Variants in TMEM214 observed in about 807,000 individuals in gnomAD.
TMEM214 encodes transmembrane protein 214.
TMEM214 carries 71 observed loss-of-function variants against 89.8 expected under a neutral mutation model. That is an observed-to-expected ratio of 0.79 (90% CI 0.65 to 0.96). The LOEUF is 0.96. Ranked by LOEUF, TMEM214 falls within the 40% of genes least tolerant of loss-of-function variation. The pLI is 0.00. For synonymous variants in TMEM214, 332 were observed against 349.5 expected, an observed-to-expected ratio of 0.95 and a Z score of 0.56; for missense variants, 754 against 843.4, an observed-to-expected ratio of 0.89 and a Z score of 1.31.
At chr2:27,040,528 C>T (rs1667792459) in intron 16 of TMEM214, 32 bp downstream of exon 16, 3 of 1,606,326 alleles carry the variant, frequency 1.9e-6, no homozygotes, top group East Asian at 2.2e-5. Context: ...CCGGCAGGAT[C>T]CCCAGCAGCC....
intron 13 of TMEM214, 36 bp downstream of exon 13, chr2:27,039,200 G>T (rs780016469): frequency 6.3e-7 from 1 of 1,585,718 alleles, no homozygotes; most frequent in South Asian, 1.1e-5. Flanking sequence ...GGATGGTGTG[G>T]GCGGGGCACA....
chr2:27,040,543 T>A, intron 16 of TMEM214, 47 bp downstream of exon 16: 2 of 1,602,792 alleles, frequency 1.2e-6, no homozygotes, highest in Non-Finnish European at 1.7e-6. Flanking sequence ...GCAGCCCCAT[T>A]CCCGGGCCCC....
Position 27,038,304 on chromosome 2 carries a change from C to A in TMEM214, c.1244+67C>A. 1.3e-6 allele frequency: 2 copies of A among 1,578,066 alleles called. No individual in the cohort carries two copies. The highest frequency in any genetic ancestry group is 2.2e-5 in the South Asian group (2 of 90,092). Reference sequence around the variant, plus strand: ...AGAAGGGGAGCCTGGGTCACTGTCCCATGGCCTGACACCTTTCAGGCTGAG... The same window carrying A: ...AGAAGGGGAGCCTGGGTCACTGTCCAATGGCCTGACACCTTTCAGGCTGAG... On this transcript the variant is annotated intron_variant, in intron 10 of 16. Transcript: ENST00000238788. The surrounding 1 kb of genome is among the most constrained non-coding windows in gnomAD (Gnocchi z 4.4).
rs561755227 is a variant in TMEM214 at position 27,038,064 on chromosome 2, G to A, written c.1153-82G>A. On this transcript the variant is annotated intron_variant, in intron 9 of 16. Transcript: ENST00000238788. This position sits in a 1 kb window ranked among gnomAD's most constrained non-coding sequence, Gnocchi z 4.4. ...GTGCGGCCTGGATGGCCTTGCTTAC[G>A]GGAAGGGGATCACCTCTTAGCACTC... is the stretch of plus-strand genomic sequence containing the variant. 263 of 1,612,056 alleles carry A rather than the reference G, an allele frequency of 1.6e-4. 4 individuals are homozygous for A. In the Admixed American group the frequency reaches 4.0e-3, roughly 25 times the overall value.
At position 27,035,257 on chromosome 2, in the gene TMEM214, T is replaced by C. The variant is rs1267242279; in HGVS notation, c.474T>C (p.Ser158=). The change falls in exon 3 of 17, where the codon AGT becomes AGC. Residue 158 remains serine, a synonymous_variant. Coordinates refer to ENST00000238788, the MANE Select transcript of TMEM214 (RefSeq NM_017727.5). Reference sequence around the variant, plus strand: ...ACTACAAGCTACAAGCTCCTCTAAGTGAACCCACGCTGAGCCAGCATACTC... The same window carrying C: ...ACTACAAGCTACAAGCTCCTCTAAGCGAACCCACGCTGAGCCAGCATACTC... The part of the protein sequence containing the change: ...YLNYKLQAPL[S]EPTLSQHTHD... 6.2e-7 allele frequency: 1 copy of C among 1,614,176 alleles called. No individual in the cohort carries two copies. Among genetic ancestry groups the C allele is most frequent in the African/African-American group, 1.3e-5 (1 of 75,034 alleles).
intron 13 of TMEM214, chr2:27,039,533 C>T: frequency 1.6e-6 from 1 of 609,528 alleles, no homozygotes. Context: ...CTCCAACCGG[C>T]AGCTGCATTC....
At chr2:27,039,864 G>A in intron 14 of TMEM214, 27 bp downstream of exon 14, 1 of 1,609,892 alleles carries the variant, frequency 6.2e-7, no homozygotes, top group South Asian at 1.1e-5. Flanking sequence ...GAGGGGAGAG[G>A]AGAGGCAGAA....
At chr2:27,037,421 A>T (rs2148244584) in intron 8 of TMEM214, 140 bp from the exon 9 acceptor site, 1 of 1,104,362 alleles carries the variant, frequency 9.1e-7, no homozygotes, top group Non-Finnish European at 1.3e-6. Context: ...GGAGTCTCTG[A>T]GTAAAAAGAT....
intron 1 of TMEM214, among the ~76,000 whole-genome samples, chr2:27,033,797 A>C (rs754135926): frequency 1.3e-5 from 2 of 151,770 alleles, no homozygotes; most frequent in African/African-American, 4.8e-5. Context: ...TCTATATCCA[A>C]CCTCTCTGCT....
In TMEM214 at chr2:27,040,139, G is replaced by T; in HGVS notation, c.1732G>T (p.Ala578Ser). The change falls in exon 15 of 17, where the codon GCC becomes TCC. Residue 578 changes from alanine (A) to serine (S), a missense_variant. Transcript: ENST00000238788. ...CAATGCCACAGTCAGCTTCCTTTCT[G>T]CCCACTGTGCCTCTCACCTTGCGTG... is the stretch of plus-strand genomic sequence containing the variant. ...HTNATVSFLS[A>S]HCASHLAWFG... 1 of 1,608,348 alleles carries T rather than the reference G, an allele frequency of 6.2e-7. No individual in the cohort carries two copies. Among genetic ancestry groups the T allele is most frequent in the South Asian group, 1.1e-5 (1 of 91,080 alleles).
chr2:27,038,601 A>T lies in TMEM214; in HGVS notation c.1293+69A>T, dbSNP rs1572793150. ...TCTAGGTTCTGAGTGGGGGCTCCTCAGCCACTGTCCCTTCCCTGAGAAGGG... is the reference window on the plus strand; with the variant it reads ...TCTAGGTTCTGAGTGGGGGCTCCTCTGCCACTGTCCCTTCCCTGAGAAGGG... On this transcript the variant is annotated intron_variant, in intron 11 of 16. Transcript: ENST00000238788. The surrounding 1 kb of genome is among the most constrained non-coding windows in gnomAD (Gnocchi z 4.4). 2 of 1,607,408 alleles carry T rather than the reference A, an allele frequency of 1.2e-6. No homozygotes were observed. Among genetic ancestry groups the T allele is most frequent in the Non-Finnish European group, 8.5e-7 (1 of 1,174,758 alleles).
At chr2:27,033,430 C>G (rs1169945169) in intron 1 of TMEM214, among the ~76,000 whole-genome samples, 1 of 152,178 alleles carries the variant, frequency 6.6e-6, no homozygotes, top group East Asian at 1.9e-4. Context: ...TCCTCAGACT[C>G]TCAGTTCACT....
Position 27,035,148 on chromosome 2 carries a change from A to G in TMEM214, c.365A>G (p.Asp122Gly), listed in dbSNP as rs1572786273. 1 of 1,614,062 alleles carries G rather than the reference A, an allele frequency of 6.2e-7. No individual in the cohort carries two copies. Among genetic ancestry groups the G allele is most frequent in the East Asian group, 2.2e-5 (1 of 44,878 alleles). The change falls in exon 3 of 17, where the codon GAC becomes GGC. Residue 122 changes from aspartate to glycine, a missense_variant. Coordinates refer to ENST00000238788, the MANE Select transcript of TMEM214 (RefSeq NM_017727.5). ...TGTCCCTGGCAGCTGGATGTGGCAG[A>G]CCTGCAGAAGGAACTGGACAAGAGC... The part of the protein sequence containing the change: ...EEALKALDVA[D>G]LQKELDKSQS...
Position 27,036,499 on chromosome 2 carries a change from C to T in TMEM214, c.733C>T (p.Leu245=). 6.2e-7 allele frequency: 1 copy of T among 1,614,120 alleles called. No homozygotes were observed. Among genetic ancestry groups the T allele is most frequent in the East Asian group, 2.2e-5 (1 of 44,888 alleles). Reference sequence around the variant, plus strand: ...CCGGTCTCCTCAGTTCCTGGAACTGCTGAGGTCCCACCAGAGCCGACCAGC... The same window carrying T: ...CCGGTCTCCTCAGTTCCTGGAACTGTTGAGGTCCCACCAGAGCCGACCAGC... ...TANLGKFLEL[L]RSHQSRPAKC... Residue 245 remains leucine (L), a synonymous_variant, in exon 6 of 17, where the codon CTG becomes TTG. Transcript: ENST00000238788.
intron 16 of TMEM214, 72 bp from the exon 17 acceptor site, chr2:27,040,639 C>G: frequency 6.3e-7 from 1 of 1,597,634 alleles, no homozygotes. Context: ...GGTTGTGGGT[C>G]TAAGCTTTCA....
At position 27,033,019 on chromosome 2, in the gene TMEM214, G is replaced by T; in HGVS notation, c.4G>T (p.Ala2Ser). 2 of 1,246,872 alleles carry T rather than the reference G, an allele frequency of 1.6e-6. No homozygotes were observed. Among genetic ancestry groups the T allele is most frequent in the Non-Finnish European group, 2.0e-6 (2 of 987,922 alleles). 77.2% of individuals were successfully genotyped at this position (1,246,872 alleles called of 1,614,324 possible). A position where few individuals can be genotyped will look rare whatever the true frequency, so the allele number is the denominator to read the frequency against. The change falls in exon 1 of 17, where the codon GCG (alanine) becomes TCG (serine). Residue 2 changes from alanine (A) to serine (S), a missense_variant. Transcript: ENST00000238788. ...CGAGGAGGGAGGGCTGCGAGCCATGGCGACCAAGACGGCGGGCGTGGGGCG... is the reference window on the plus strand; with the variant it reads ...CGAGGAGGGAGGGCTGCGAGCCATGTCGACCAAGACGGCGGGCGTGGGGCG... M[A>S]TKTAGVGRWE...
chr2:27,034,035 G>A (rs1667442621), intron 1 of TMEM214, 32 bp from the exon 2 acceptor site: 1 of 1,612,334 alleles, frequency 6.2e-7, no homozygotes, highest in Non-Finnish European at 8.5e-7. Context: ...ACTCAAGGGT[G>A]GCCTGCCTTT....
rs773507289 is a variant in TMEM214, at chr2:27,039,140, C to T, written c.1501C>T (p.Leu501Phe). The T allele has an allele frequency of 3.7e-6, 6 of 1,613,838 alleles. No homozygotes were observed. The highest frequency in any genetic ancestry group is 5.1e-6 in the Non-Finnish European group (6 of 1,180,020). Residue 501 changes from leucine to phenylalanine, a missense_variant, in exon 13 of 17, where the codon CTC (leucine) becomes TTC (phenylalanine). By Grantham distance (22) the Leu-to-Phe change is conservative. Coordinates refer to ENST00000238788, the MANE Select transcript of TMEM214 (RefSeq NM_017727.5). ...VFAVGFLCHD[L>F]RSHSSFQASL... is the part of the protein sequence containing the mutation. ...CGCTGTAGGCTTCCTGTGCCATGAC[C>T]TCCGGTCACACAGCTCCTTCCAGGG... is the stretch of plus-strand genomic sequence containing the variant.
rs1553334023 is a variant in TMEM214 at position 27,038,526 on chromosome 2, C to G, written c.1287C>G (p.Pro429=). 1 of 1,614,034 alleles carries G rather than the reference C, an allele frequency of 6.2e-7. No homozygotes were observed. Among genetic ancestry groups the G allele is most frequent in the South Asian group, 1.1e-5 (1 of 91,090 alleles). Residue 429 remains proline (P), a synonymous_variant, in exon 11 of 17, where the codon CCC becomes CCG. Transcript: ENST00000238788. The surrounding 1 kb of genome is among the most constrained non-coding windows in gnomAD (Gnocchi z 4.4). ...EHLLSSWEQI[P]KKVQKSLQET... ...TGCTCAGCTCCTGGGAGCAGATTCC[C>G]AAGAAGGTGAGGAGCTGGGAGGACG...
Sources: gnomAD v4.1 joint callset for allele counts (sites outside exome capture counted in the v4.1 genomes callset) on GRCh38, gnomAD v4.1.1 for gene constraint, Gnocchi (gnomAD v3.1) non-coding constraint, MANE v1.5 for transcripts, NCBI Gene and HGNC (gene_info 2026-07-23, HGNC 2026-07-21) for gene names.